GPHN: variants seen among roughly 807,000 people sequenced by gnomAD.
The protein encoded by GPHN is gephyrin.
GPHN carries 17 observed loss-of-function variants against 95.5 expected under a neutral mutation model. That is an observed-to-expected ratio of 0.18 (90% CI 0.12 to 0.27). The LOEUF is 0.27. Ranked by LOEUF, GPHN falls within the 10% of genes least tolerant of loss-of-function variation. GPHN has a pLI of 1.00. For synonymous variants in GPHN, 320 were observed against 322.5 expected, an observed-to-expected ratio of 0.99 and a Z score of 0.08; for missense variants, 660 against 978.1, an observed-to-expected ratio of 0.67 and a Z score of 4.34.
chr14:66,844,653 AT>A (rs1345202497), intron 4 of GPHN, among the ~76,000 whole-genome samples: 2 of 152,148 alleles, frequency 1.3e-5, no homozygotes, highest in African/African-American at 4.8e-5. Flanking sequence ...TATAGATAAA[AT>A]TTGTCAGTGT....
At chr14:66,833,923 G>C (rs1224553229) in intron 4 of GPHN, among the ~76,000 whole-genome samples, 2 of 152,144 alleles carry the variant, frequency 1.3e-5, no homozygotes, top group Non-Finnish European at 2.9e-5. Context: ...AGAAATCATA[G>C]TATCTCAGAG....
chr14:66,965,413 G>T, intron 9 of GPHN, 88 bp downstream of exon 9: 2 of 1,172,036 alleles, frequency 1.7e-6, no homozygotes, highest in South Asian at 2.4e-5. Context: ...TGTCAAGGTT[G>T]GATTGCATGC....
the GPHN span, among the ~76,000 whole-genome samples, chr14:67,630,684 A>G: frequency 1.3e-5 from 2 of 152,068 alleles, no homozygotes; most frequent in African/African-American, 2.4e-5. Context: ...GGTTCAAGCA[A>G]TTCTCTGCCT....
the GPHN span, chr14:67,204,692 C>T: frequency 6.2e-7 from 1 of 1,613,920 alleles, no homozygotes; most frequent in Non-Finnish European, 8.5e-7. Flanking sequence ...GCCCTCATCT[C>T]CCTCTTGAAT....
At chr14:67,275,016 T>G in the GPHN span, among the ~76,000 whole-genome samples, 1 of 152,246 alleles carries the variant, frequency 6.6e-6, no homozygotes, top group African/African-American at 2.4e-5. Context: ...CTTGAGATTT[T>G]GGGCTGAGAC....
chr14:66,946,214 G>C (rs1358360038), intron 8 of GPHN, among the ~76,000 whole-genome samples: 1 of 151,990 alleles, frequency 6.6e-6, no homozygotes, highest in Non-Finnish European at 1.5e-5. Context: ...AGGAACTTTT[G>C]TTCTTTGGGG....
chr14:67,659,618 G>A, the GPHN span: 1 of 1,090,348 alleles, frequency 9.2e-7, no homozygotes, highest in Non-Finnish European at 1.2e-6. Flanking sequence ...TGAAAAAAAT[G>A]AAACAAGAGT....
chr14:67,312,887 C>G, the GPHN span, among the ~76,000 whole-genome samples: 3 of 152,228 alleles, frequency 2.0e-5, no homozygotes, highest in South Asian at 6.2e-4. Context: ...TAGAATGTGG[C>G]CAATTCTTTG....
intron 12 of GPHN, 27 bp downstream of exon 12, chr14:67,089,102 A>G (rs747774793): frequency 1.1e-6 from 1 of 922,674 alleles, no homozygotes; most frequent in South Asian, 1.4e-5. Flanking sequence ...TCTTAAACAT[A>G]ATCAGGCACT....
the GPHN span, chr14:67,397,732 G>A: frequency 1.4e-5 from 22 of 1,613,404 alleles, no homozygotes; most frequent in Non-Finnish European, 1.9e-5. Flanking sequence ...GCCCTTGGGA[G>A]GGGTCACTCT....
intron 1 of GPHN, among the ~76,000 whole-genome samples, chr14:66,648,408 A>G (rs1027557534): frequency 6.6e-6 from 1 of 152,154 alleles, no homozygotes; most frequent in Non-Finnish European, 1.5e-5. Flanking sequence ...AAATACCACC[A>G]ATGGTAATTT....
intron 1 of GPHN, among the ~76,000 whole-genome samples, chr14:66,516,803 C>G (rs185911820): frequency 1.3e-5 from 2 of 152,114 alleles, no homozygotes; most frequent in Admixed American, 1.3e-4. Flanking sequence ...TCTTTAAAGT[C>G]TAATTAATGG....
chr14:67,608,255 A>T, the GPHN span, among the ~76,000 whole-genome samples: 2 of 152,116 alleles, frequency 1.3e-5, no homozygotes, highest in African/African-American at 4.8e-5. Context: ...AGAAAAAGAG[A>T]AAAAATAATG....
intron 5 of GPHN, among the ~76,000 whole-genome samples, chr14:66,887,255 A>G (rs770925708): frequency 6.6e-6 from 1 of 152,128 alleles, no homozygotes; most frequent in Non-Finnish European, 1.5e-5. Flanking sequence ...GGGAGGAAAA[A>G]TTGAGAAAAA....
the GPHN span, among the ~76,000 whole-genome samples, chr14:67,721,098 T>C: frequency 6.6e-6 from 1 of 152,198 alleles, no homozygotes; most frequent in Non-Finnish European, 1.5e-5. Context: ...GATGAACTGA[T>C]GAATGAGGAC....
chr14:67,506,617 C>T, the GPHN span, among the ~76,000 whole-genome samples: 1 of 152,276 alleles, frequency 6.6e-6, no homozygotes, highest in African/African-American at 2.4e-5. Context: ...TCAGTGGGAA[C>T]TCATTTGCTC....
the GPHN span, among the ~76,000 whole-genome samples, chr14:67,319,284 T>C: frequency 2.0e-5 from 3 of 152,084 alleles, no homozygotes; most frequent in Non-Finnish European, 4.4e-5. Flanking sequence ...GGAGAAGTAA[T>C]ATGAGTGAGG....
At chr14:67,574,112 AAGG>A in the GPHN span, 1 of 777,916 alleles carries the variant, frequency 1.3e-6, no homozygotes, top group Non-Finnish European at 2.1e-6. The surrounding 1 kb of genome is among the most constrained non-coding windows in gnomAD (Gnocchi z 4.2). Flanking sequence ...GAGGAAAAGA[AAGG>A]AGGGAGCACT....
the GPHN span, chr14:67,593,791 T>TA: frequency 6.2e-7 from 1 of 1,613,774 alleles, no homozygotes. Flanking sequence ...TGCCCATTTC[T>TA]ATGAAGGTAG....
Sources: allele counts gnomAD v4.1 joint callset (sites outside exome capture counted in the v4.1 genomes callset), GRCh38; gene constraint gnomAD v4.1.1; non-coding constraint Gnocchi (gnomAD v3.1); transcripts MANE v1.5; gene names NCBI Gene and HGNC (gene_info 2026-07-23, HGNC 2026-07-21).